The following EFL1 variants were observed in gnomAD, a reference collection of about 807,000 sequenced individuals.
EFL1 encodes elongation factor-like GTPase 1.
A neutral mutation model predicts 126.7 loss-of-function variants in EFL1; 76 were observed. The ratio of observed to expected loss-of-function variants is 0.60; its 90% CI spans 0.50 to 0.73. The LOEUF (loss-of-function observed/expected upper bound fraction) is 0.73, where lower values mean the gene tolerates loss of function less well. Ranked by LOEUF, EFL1 falls within the 30% of genes least tolerant of loss-of-function variation. EFL1 has a pLI of 0.00. For missense variants in EFL1, 1,128 were observed against 1,343.2 expected, an observed-to-expected ratio of 0.84 and a Z score of 2.50; for synonymous variants, 410 against 448.4, an observed-to-expected ratio of 0.91 and a Z score of 1.08.
intron 17 of EFL1, among the ~76,000 whole-genome samples, chr15:82,154,570 C>T (rs1014798590): frequency 1.3e-5 from 2 of 152,090 alleles, no homozygotes; most frequent in Non-Finnish European, 2.9e-5. Flanking sequence ...TGATAACTTA[C>T]CTCAAAGTGA....
intron 7 of EFL1, among the ~76,000 whole-genome samples, chr15:82,236,475 G>A (rs2074873669): frequency 6.6e-6 from 1 of 152,188 alleles, no homozygotes; most frequent in Non-Finnish European, 1.5e-5. Context: ...CAGACACATA[G>A]ATTAAAGGAA....
At chr15:82,177,586 G>A (rs745938610) in intron 15 of EFL1, among the ~76,000 whole-genome samples, 16 of 152,092 alleles carry the variant, frequency 1.1e-4, no homozygotes, top group Non-Finnish European at 2.2e-4. Flanking sequence ...GAAGTTTTTG[G>A]TCTTTTAAAT....
At chr15:82,148,763 G>A (rs1292290809) in intron 18 of EFL1, among the ~76,000 whole-genome samples, 1 of 152,140 alleles carries the variant, frequency 6.6e-6, no homozygotes, top group Non-Finnish European at 1.5e-5. Flanking sequence ...TAGTAAGGTA[G>A]GTGCCAGACT....
intron 19 of EFL1, among the ~76,000 whole-genome samples, chr15:82,130,888 G>C (rs2073634914): frequency 6.6e-6 from 1 of 152,100 alleles, no homozygotes; most frequent in Non-Finnish European, 1.5e-5. Flanking sequence ...GGCGGCATGT[G>C]CCTGTAGTCC....
intron 4 of EFL1, among the ~76,000 whole-genome samples, chr15:82,244,187 G>A (rs2074950430): frequency 6.6e-6 from 1 of 152,070 alleles, no homozygotes; most frequent in African/African-American, 2.4e-5. Context: ...GTTGGGGACA[G>A]AAGTCCCATA....
At chr15:82,147,514 C>T (rs147548726) in intron 18 of EFL1, among the ~76,000 whole-genome samples, 1,497 of 130,674 alleles carry the variant, frequency 0.011, 25 homozygotes, top group African/African-American at 0.036. Context: ...TGGTGGTGCA[C>T]GTGTGTAATC....
intron 15 of EFL1, among the ~76,000 whole-genome samples, chr15:82,168,812 C>T (rs541896364): frequency 7.9e-5 from 12 of 152,316 alleles, no homozygotes; most frequent in African/African-American, 2.9e-4. Context: ...AGTTCTTACA[C>T]ATATTACTTC....
chr15:82,252,697 C>A lies in EFL1; in HGVS notation c.238G>T (p.Ala80Ser). ...AAAACACAGACTGATTTACCTGTTG[C>A]ATAATGTAGGGAAATGGCACTGGAT... ...MKSSAISLHY[A>S]TGNEEYLINL... Residue 80 changes from alanine to serine, a missense_variant, in exon 4 of 20, where the codon GCA becomes TCA. Physicochemically the swap from Ala to Ser is moderately conservative, Grantham distance 99. Coordinates refer to ENST00000268206, the MANE Select transcript of EFL1 (RefSeq NM_024580.6). The A allele has an allele frequency of 6.2e-7, 1 of 1,611,906 alleles. No individual in the cohort carries two copies. The highest frequency in any genetic ancestry group is 2.2e-5 in the East Asian group (1 of 44,872).
chr15:82,224,156 A>G (rs542838898), intron 12 of EFL1, among the ~76,000 whole-genome samples: 6 of 152,230 alleles, frequency 3.9e-5, no homozygotes, highest in African/African-American at 1.4e-4. Flanking sequence ...ATGGTGGGTC[A>G]GAAATGCCAC....
chr15:82,197,039 A>T (rs1418642441), intron 15 of EFL1, among the ~76,000 whole-genome samples: 1 of 152,158 alleles, frequency 6.6e-6, no homozygotes, highest in East Asian at 1.9e-4. Flanking sequence ...CTTAAAAAAA[A>T]AAAAAAAAAA....
rs548017052 is a variant in EFL1, at chr15:82,252,588, T to C, written c.244+103A>G. The C allele has an allele frequency of 1.8e-4, 156 of 867,382 alleles. 1 individual carries two copies. In the East Asian group the frequency reaches 2.8e-3, roughly 15 times the overall value. The allele number at this position is 867,382 out of a possible 1,614,324, so 53.7% of individuals were successfully genotyped here. On this transcript the variant is annotated intron_variant, in intron 4 of 19. Coordinates refer to ENST00000268206, the MANE Select transcript of EFL1 (RefSeq NM_024580.6). The stretch of plus-strand genomic sequence containing the variant: ...TGTGGAGAGGCCAGAATAAAATACG[T>C]GGAATATAAGCAAAGAAACTGAGGC...
intron 2 of EFL1, 27 bp from the exon 3 acceptor site, chr15:82,259,182 A>G (rs1357480374): frequency 6.3e-7 from 1 of 1,598,292 alleles, no homozygotes; most frequent in East Asian, 2.2e-5. Flanking sequence ...ATCAATTCAA[A>G]TCTATATCTT....
At chr15:82,217,964 A>G (rs2074668806) in intron 14 of EFL1, among the ~76,000 whole-genome samples, 1 of 152,208 alleles carries the variant, frequency 6.6e-6, no homozygotes, top group African/African-American at 2.4e-5. Context: ...GGGCAGCCAA[A>G]GGCCAGAAAA....
intron 2 of EFL1, among the ~76,000 whole-genome samples, chr15:82,261,127 A>T (rs2075111439): frequency 6.6e-6 from 1 of 152,110 alleles, no homozygotes; most frequent in Non-Finnish European, 1.5e-5. Flanking sequence ...TTCAAGTGTC[A>T]TCTCTAATAC....
chr15:82,204,641 T>C lies in EFL1; in HGVS notation c.1750+10076A>G, dbSNP rs1457076202. Reference sequence around the variant, plus strand: ...CAAATTATTTCTCCATTCTGTCATGTGCCAAAAATACTAAGAATAGAGGTC... The same window carrying C: ...CAAATTATTTCTCCATTCTGTCATGCGCCAAAAATACTAAGAATAGAGGTC... On this transcript the variant is annotated intron_variant, in intron 15 of 19. Coordinates refer to ENST00000268206, the MANE Select transcript of EFL1 (RefSeq NM_024580.6). Among the ~76,000 whole-genome samples the C allele has an allele frequency of 3.3e-5, 5 of 152,252 alleles. No homozygotes were observed. The East Asian group carries it at 9.6e-4, about 29-fold the overall frequency.
rs146761526 is a variant in EFL1, at chr15:82,232,135, T to C, written c.732-1164A>G. ...AAGGTCCACATATGGAAAGAAACAA[T>C]AGGAGGCAACCACTGTGGACTGACT... On this transcript the variant is annotated intron_variant, in intron 7 of 19. Transcript: ENST00000268206. Among the ~76,000 whole-genome samples the C allele has an allele frequency of 2.5e-3, 374 of 152,262 alleles. 1 individual carries two copies. Among genetic ancestry groups the C allele is most frequent in the Admixed American group, 5.0e-3 (76 of 15,302 alleles).
Position 82,143,644 on chromosome 15 carries a change from G to C in EFL1, c.2990-4802C>G, listed in dbSNP as rs56126531. 6.9e-3 allele frequency among the ~76,000 whole-genome samples: 1,055 copies of C among 152,282 alleles called. 10 individuals are homozygous for C. Among genetic ancestry groups the C allele is most frequent in the Non-Finnish European group, 8.2e-3 (559 of 68,030 alleles). On this transcript the variant is annotated intron_variant, in intron 18 of 19. Coordinates refer to ENST00000268206, the MANE Select transcript of EFL1 (RefSeq NM_024580.6). ...GCTGCAGACACAGTGGGGAACGTAG[G>C]CTGGTTGCTACTATATAGATAGATC...
chr15:82,252,948 T>A (rs1400225259), intron 3 of EFL1, among the ~76,000 whole-genome samples, 173 bp from the exon 4 acceptor site: 2 of 152,164 alleles, frequency 1.3e-5, no homozygotes, highest in Non-Finnish European at 2.9e-5. Flanking sequence ...ACTTCTAGCC[T>A]CAAGTGATCC....
intron 15 of EFL1, among the ~76,000 whole-genome samples, chr15:82,166,189 A>G (rs974979276): frequency 6.6e-6 from 1 of 152,220 alleles, no homozygotes; most frequent in South Asian, 2.1e-4. Flanking sequence ...CATGGTTTCA[A>G]TGAAAAGATA....
Sources: gnomAD v4.1 joint callset for allele counts (sites outside exome capture counted in the v4.1 genomes callset) on GRCh38, gnomAD v4.1.1 for gene constraint, MANE v1.5 for transcripts, NCBI Gene and HGNC (gene_info 2026-07-23, HGNC 2026-07-21) for gene names.